The following ARHGEF9 variants were observed in gnomAD, a reference collection of about 807,000 sequenced individuals.
ARHGEF9 encodes rho guanine nucleotide exchange factor 9.
A neutral mutation model predicts 41.3 loss-of-function variants in ARHGEF9; 2 were observed. The ratio of observed to expected loss-of-function variants is 0.05; its 90% CI spans 0.02 to 0.15. ARHGEF9 has a LOEUF of 0.15. Ranked by LOEUF, ARHGEF9 falls within the 10% of genes least tolerant of loss-of-function variation. The pLI, the probability that ARHGEF9 is intolerant of heterozygous loss-of-function variation, is 1.00. For missense variants in ARHGEF9, 225 were observed against 424.7 expected (o/e 0.53, Z 4.13); for synonymous variants, 160 against 154.4 (o/e 1.04, Z -0.27).
At chrX:63,773,192 T>C (rs782506242) in intron 1 of ARHGEF9, among the ~76,000 whole-genome samples, 13 of 112,244 alleles carry the variant, frequency 1.2e-4, no homozygotes, top group Admixed American at 2.8e-4. Flanking sequence ...CAGCATCATA[T>C]GAAAACTTTA....
intron 2 of ARHGEF9, among the ~76,000 whole-genome samples, chrX:63,709,879 C>T (rs1271150466): frequency 6.3e-5 from 7 of 111,078 alleles, no homozygotes; most frequent in Admixed American, 2.9e-4. Flanking sequence ...CTCTCAATTT[C>T]GTAATAAAGA....
At chrX:63,656,771 G>A (rs782659366) in intron 7 of ARHGEF9, 58 of 111,802 alleles carry the variant, frequency 5.2e-4, no homozygotes, top group African/African-American at 1.9e-3. Flanking sequence ...AGCAGAAAAC[G>A]GGGAGGGGCA....
intron 2 of ARHGEF9, among the ~76,000 whole-genome samples, chrX:63,716,814 C>T (rs1383650212): frequency 4.5e-5 from 5 of 111,547 alleles, no homozygotes; most frequent in Non-Finnish European, 9.4e-5. Flanking sequence ...ACCCACTGCG[C>T]ACACACTCTC....
intron 1 of ARHGEF9, among the ~76,000 whole-genome samples, chrX:63,771,573 C>CT (rs200806219): frequency 0.032 from 3,377 of 105,929 alleles, 73 homozygotes; most frequent in Admixed American, 0.053. Flanking sequence ...AGTTGAAGAA[C>CT]TTTTTTTTTT....
At chrX:63,675,257 G>A (rs1316268694) in intron 5 of ARHGEF9, among the ~76,000 whole-genome samples, 1 of 111,683 alleles carries the variant, frequency 9.0e-6, no homozygotes, top group African/African-American at 3.3e-5. Context: ...AGCCAGCCAA[G>A]GACCAAGAAG....
chrX:63,646,406 A>G (rs2048071584), intron 8 of ARHGEF9, among the ~76,000 whole-genome samples: 1 of 111,978 alleles, frequency 8.9e-6, no homozygotes, highest in African/African-American at 3.2e-5. Flanking sequence ...TAATTTTTGT[A>G]TAAGGTGTAA....
chrX:63,705,705 G>A (rs782216662), intron 3 of ARHGEF9, among the ~76,000 whole-genome samples: 3 of 111,469 alleles, frequency 2.7e-5, no homozygotes, highest in Non-Finnish European at 5.6e-5. Flanking sequence ...TTCTCCAAGT[G>A]AGAGAGTAGG....
chrX:63,647,673 G>A (rs1602208417), intron 8 of ARHGEF9, among the ~76,000 whole-genome samples: 1 of 111,501 alleles, frequency 9.0e-6, no homozygotes, highest in South Asian at 3.8e-4. Flanking sequence ...GTTCATCAGG[G>A]ATATTGGTCT....
intron 7 of ARHGEF9, among the ~76,000 whole-genome samples, chrX:63,656,019 A>G (rs1246694493): frequency 8.9e-6 from 1 of 112,086 alleles, no homozygotes; most frequent in Non-Finnish European, 1.9e-5. Context: ...GGTAGGAAAC[A>G]GTAAGCCACA....
At chrX:63,771,782 G>T (rs1384906163) in intron 1 of ARHGEF9, among the ~76,000 whole-genome samples, 16 of 111,155 alleles carry the variant, frequency 1.4e-4, no homozygotes, top group African/African-American at 5.2e-4. Context: ...GGCCAGGCTG[G>T]TCTTTAATTC....
At chrX:63,649,126 AC>A (rs1256589817) in intron 8 of ARHGEF9, among the ~76,000 whole-genome samples, 1 of 111,679 alleles carries the variant, frequency 9.0e-6, no homozygotes, top group Non-Finnish European at 1.9e-5. Flanking sequence ...AGAACTCTCC[AC>A]CCCAAATCAA....
intron 1 of ARHGEF9, among the ~76,000 whole-genome samples, chrX:63,749,522 C>G (rs185712326): frequency 8.9e-6 from 1 of 112,555 alleles, no homozygotes; most frequent in South Asian, 3.7e-4. Context: ...TGAGCCACCA[C>G]GTCAGGCCCT....
rs200732743 is a variant in ARHGEF9, at chrX:63,724,141, TA to T, written c.210+390del. Among the ~76,000 whole-genome samples the T allele has an allele frequency of 5.7e-3, 607 of 106,911 alleles. 4 individuals are homozygous for T. The highest frequency in any genetic ancestry group is 0.019 in the African/African-American group (569 of 29,243). 92.8% of individuals were successfully genotyped at this position (106,911 alleles called of 115,157 possible). ...GGGAAGAAACTACGAGAAGAAAGAA[TA>T]AAAAAAAGATGAGAAATAGAAAGCA... is the stretch of plus-strand genomic sequence containing the variant. On this transcript the variant is annotated intron_variant, in intron 2 of 9. Transcript: ENST00000671741.
At chrX:63,712,138 T>C (rs540869539) in intron 2 of ARHGEF9, among the ~76,000 whole-genome samples, 1 of 112,023 alleles carries the variant, frequency 8.9e-6, no homozygotes, top group African/African-American at 3.2e-5. Context: ...TTGACGAGCA[T>C]GTGAAGAAAT....
chrX:63,719,387 G>A (rs1435402306), intron 2 of ARHGEF9, among the ~76,000 whole-genome samples: 1 of 112,277 alleles, frequency 8.9e-6, no homozygotes, highest in Admixed American at 9.4e-5. Context: ...TAACAGTCTT[G>A]TTAGCAGCCC....
intron 6 of ARHGEF9, among the ~76,000 whole-genome samples, chrX:63,666,435 C>T (rs1254911620): frequency 7.3e-5 from 5 of 68,487 alleles, no homozygotes; most frequent in Non-Finnish European, 8.0e-5. Flanking sequence ...CACACACATA[C>T]ACACATATAT....
At chrX:63,739,577 T>C (rs2054829344) in intron 1 of ARHGEF9, among the ~76,000 whole-genome samples, 1 of 111,995 alleles carries the variant, frequency 8.9e-6, no homozygotes, top group Non-Finnish European at 1.9e-5. Flanking sequence ...GCATGGCTTC[T>C]AGTCCTGAAT....
At position 63,774,686 on chromosome X, in the gene ARHGEF9, T is replaced by A. The variant is rs782648626; in HGVS notation, c.30+10430A>T. On this transcript the variant is annotated intron_variant, in intron 1 of 9. Coordinates refer to ENST00000671741, the MANE Select transcript of ARHGEF9 (RefSeq NM_001353921.2). The stretch of plus-strand genomic sequence containing the variant: ...CCCCATCCTATGCAACTGTGCTATG[T>A]GAAAGGCTGTAAAAATGCAGTTTAT... Among the ~76,000 whole-genome samples, 53 of 111,964 alleles carry A rather than the reference T, an allele frequency of 4.7e-4. 1 individual carries two copies. Among genetic ancestry groups the A allele is most frequent in the Non-Finnish European group, 8.1e-4 (43 of 53,254 alleles).
At chrX:63,784,115 T>G (rs1302236956) in intron 1 of ARHGEF9, among the ~76,000 whole-genome samples, 1 of 112,171 alleles carries the variant, frequency 8.9e-6, no homozygotes, top group African/African-American at 3.2e-5. Context: ...ATCTGCGGGT[T>G]ATGGGTGGCA....
Sources: gnomAD v4.1 joint callset for allele counts (sites outside exome capture counted in the v4.1 genomes callset) on GRCh38, gnomAD v4.1.1 for gene constraint, MANE v1.5 for transcripts, NCBI Gene and HGNC (gene_info 2026-07-23, HGNC 2026-07-21) for gene names.